ADTRP: variants seen among roughly 807,000 people sequenced by gnomAD.
The protein encoded by ADTRP is androgen-dependent TFPI-regulating protein.
A neutral mutation model predicts 27.0 loss-of-function variants in ADTRP; 20 were observed. That is an observed-to-expected ratio of 0.74 (90% confidence interval 0.52 to 1.08). The LOEUF is 1.08. Among genes scored for constraint, ADTRP ranks in the 50% least tolerant of loss-of-function variants. The probability of loss-of-function intolerance (pLI) is 0.00; values close to 1 mark genes in which losing one functional copy is unlikely to be tolerated. For synonymous variants in ADTRP, 101 were observed against 105.2 expected, an observed-to-expected ratio of 0.96 and a Z score of 0.25; for missense variants, 251 against 275.0, an observed-to-expected ratio of 0.91 and a Z score of 0.62.
At chr6:11,763,569 A>T (rs1014941399) in intron 3 of ADTRP, among the ~76,000 whole-genome samples, 37 of 152,152 alleles carry the variant, frequency 2.4e-4, no homozygotes, top group Admixed American at 7.9e-4. Flanking sequence ...GCCCGTCATT[A>T]CTCTGGCTGC....
intron 3 of ADTRP, among the ~76,000 whole-genome samples, chr6:11,738,081 C>T (rs144658353): frequency 1.3e-5 from 2 of 152,238 alleles, no homozygotes; most frequent in Admixed American, 6.5e-5. Flanking sequence ...GACGTGAGTG[C>T]GTGTAATATG....
At chr6:11,770,202 A>C in intron 1 of ADTRP, 1 of 918,504 alleles carries the variant, frequency 1.1e-6, no homozygotes, top group East Asian at 2.6e-5. Context: ...CGACCACTTC[A>C]CAAACCACCG....
intron 3 of ADTRP, among the ~76,000 whole-genome samples, chr6:11,759,497 T>C (rs75065192): frequency 0.042 from 6,065 of 146,056 alleles, 434 homozygotes; most frequent in African/African-American, 0.14. Context: ...ACTGCAAAAC[T>C]TTTTTTTTTA....
rs1581368240 is a variant in ADTRP at position 11,768,501 on chromosome 6, G to A, written c.154-118C>T. On this transcript the variant is annotated intron_variant, in intron 1 of 5. Coordinates refer to ENST00000414691, the MANE Select transcript of ADTRP (RefSeq NM_032744.4). ...GGCTTTGAGAGGGAGAGGGCTGTTG[G>A]GTTGTTTTGGTTGAGAGCCAATTCA... is the stretch of plus-strand genomic sequence containing the variant. The A allele has an allele frequency of 1.4e-5, 18 of 1,315,400 alleles. No individual in the cohort carries two copies. The East Asian group carries it at 2.1e-4, about 16-fold the overall frequency. The allele number at this position is 1,315,400 out of a possible 1,614,324, so 81.5% of individuals were successfully genotyped here.
At chr6:11,723,307 ACG>A in intron 5 of ADTRP, 40 bp downstream of exon 5, 2 of 1,605,228 alleles carry the variant, frequency 1.2e-6, no homozygotes, top group Non-Finnish European at 8.5e-7. Flanking sequence ...AGAGGCAGAC[ACG>A]GAAGAAGCGC....
chr6:11,719,216 C>T (rs565898044), intron 5 of ADTRP, among the ~76,000 whole-genome samples: 1 of 152,292 alleles, frequency 6.6e-6, no homozygotes, highest in Non-Finnish European at 1.5e-5. Flanking sequence ...CTCAGACCAG[C>T]AGCATCAGTA....
chr6:11,747,770 C>T (rs542470325), intron 3 of ADTRP, among the ~76,000 whole-genome samples: 1 of 152,340 alleles, frequency 6.6e-6, no homozygotes, highest in Non-Finnish European at 1.5e-5. Flanking sequence ...AGGAGGGAAA[C>T]TGACCTATCA....
In ADTRP at chr6:11,741,686, T is replaced by C. The variant is rs116589433; in HGVS notation, c.391-6003A>G. Among the ~76,000 whole-genome samples the C allele has an allele frequency of 8.0e-3, 1,216 of 151,462 alleles. 16 individuals are homozygous for C. The highest frequency in any genetic ancestry group is 0.028 in the African/African-American group (1,145 of 41,112). On this transcript the variant is annotated intron_variant, in intron 3 of 5. Coordinates refer to ENST00000414691, the MANE Select transcript of ADTRP (RefSeq NM_032744.4). ...ATCCAGCCTGGTGAAGAAGCGACAA[T>C]TTGGATTCTATCCAGTTAAGGATAA...
intron 2 of ADTRP, among the ~76,000 whole-genome samples, chr6:11,767,163 G>C (rs1418380873): frequency 1.3e-5 from 2 of 152,146 alleles, no homozygotes; most frequent in Non-Finnish European, 1.5e-5. Flanking sequence ...CTTGAGTTCA[G>C]GAGTTCGAGA....
Position 11,735,584 on chromosome 6 carries a change from T to C in ADTRP, c.490A>G (p.Ile164Val). Residue 164 changes from isoleucine (I) to valine (V), a missense_variant, in exon 4 of 6, where the codon ATT (isoleucine) becomes GTT (valine). Coordinates refer to ENST00000414691, the MANE Select transcript of ADTRP (RefSeq NM_032744.4). ...AATTCTTACCGGCTGATGTAAGCAA[T>C]GCTGGCAGCAGCCAGCAAGGTGAGT... ...TGLTLLAAASIAYISRILWLY... is the reference protein window; with the variant it reads ...TGLTLLAAASVAYISRILWLY... The C allele has an allele frequency of 5.0e-6, 8 of 1,613,496 alleles. No individual in the cohort carries two copies. Among genetic ancestry groups the C allele is most frequent in the Non-Finnish European group, 6.8e-6 (8 of 1,179,490 alleles).
chr6:11,720,631 C>T (rs1761992320), intron 5 of ADTRP, among the ~76,000 whole-genome samples: 1 of 152,086 alleles, frequency 6.6e-6, no homozygotes, highest in Non-Finnish European at 1.5e-5. Context: ...GCCACCACAC[C>T]CGGCTAATTT....
At chr6:11,746,367 C>T (rs1762865910) in intron 3 of ADTRP, among the ~76,000 whole-genome samples, 1 of 152,172 alleles carries the variant, frequency 6.6e-6, no homozygotes, top group Non-Finnish European at 1.5e-5. Flanking sequence ...CCAGTTGAGT[C>T]AGGGTTTCTA....
chr6:11,754,532 G>A (rs1388370154), intron 3 of ADTRP, among the ~76,000 whole-genome samples: 1 of 152,190 alleles, frequency 6.6e-6, no homozygotes, highest in Non-Finnish European at 1.5e-5. Context: ...ACATGGGCAA[G>A]TGTAATTACA....
chr6:11,776,271 C>T (rs1415252144), intron 1 of ADTRP, among the ~76,000 whole-genome samples: 3 of 152,120 alleles, frequency 2.0e-5, no homozygotes, highest in Non-Finnish European at 4.4e-5. Flanking sequence ...CCAGAAGATA[C>T]CAGAAGAGAG....
chr6:11,773,838 C>T (rs1763863269), intron 1 of ADTRP, among the ~76,000 whole-genome samples: 2 of 152,224 alleles, frequency 1.3e-5, no homozygotes, highest in South Asian at 2.1e-4. Context: ...TATACTGCGT[C>T]CAAAGAACCT....
chr6:11,735,637 G>C lies in ADTRP; in HGVS notation c.437C>G (p.Pro146Arg), dbSNP rs377752092. 10 of 1,613,980 alleles carry C rather than the reference G, an allele frequency of 6.2e-6. No homozygotes were observed. The African/African-American group carries it at 9.3e-5, about 15-fold the overall frequency. Residue 146 changes from proline to arginine, a missense_variant, in exon 4 of 6, where the codon CCT (proline) becomes CGT (arginine). Pro to Arg is a moderately radical substitution (Grantham distance 103). Coordinates refer to ENST00000414691, the MANE Select transcript of ADTRP (RefSeq NM_032744.4). The part of the protein sequence containing the change: ...PITLAEVVLR[P>R]HSYPSKKTGL... ...TGTCTTCTTTGATGGATAGGAGTGA[G>C]GCCTGAGGACGACTTCAGCCAATGT...
At chr6:11,758,847 CA>C (rs1197469481) in intron 3 of ADTRP, among the ~76,000 whole-genome samples, 1 of 152,022 alleles carries the variant, frequency 6.6e-6, no homozygotes, top group Non-Finnish European at 1.5e-5. Context: ...ATTCTGGCTG[CA>C]AAAAGGAACA....
rs1249279382 is a variant in ADTRP, at chr6:11,713,544, C to T, written c.*934G>A. 2 of 152,198 alleles carry T rather than the reference C, an allele frequency of 1.3e-5. No individual in the cohort carries two copies. Among genetic ancestry groups the T allele is most frequent in the South Asian group, 2.1e-4 (1 of 4,830 alleles). The allele number at this position is 152,198 out of a possible 1,614,324, so 9.4% of individuals were successfully genotyped here. On this transcript the variant is annotated 3_prime_UTR_variant, in exon 6 of 6. Transcript: ENST00000414691. ...AAAATCACAGCAGGGATCATGAATCCTTGTTAAGCATCTGGAAATCAGCTT... is the reference window on the plus strand; with the variant it reads ...AAAATCACAGCAGGGATCATGAATCTTTGTTAAGCATCTGGAAATCAGCTT...
chr6:11,714,405 A>AG lies in ADTRP; in HGVS notation c.*72dup, dbSNP rs1209577697. ...TGTTCCTCCACCACCTCCCTCCACCAGAAAAAAAAAAAAAAGATGAGAAAA... is the reference window on the plus strand; with the variant it reads ...TGTTCCTCCACCACCTCCCTCCACCAGGAAAAAAAAAAAAAAGATGAGAAAA... On this transcript the variant is annotated 3_prime_UTR_variant, in exon 6 of 6. Transcript: ENST00000414691. 90 of 1,167,628 alleles carry AG rather than the reference A, an allele frequency of 7.7e-5. No individual in the cohort carries two copies. The highest frequency in any genetic ancestry group is 1.0e-4 in the Non-Finnish European group (86 of 844,184). The allele number at this position is 1,167,628 out of a possible 1,614,324, so 72.3% of individuals were successfully genotyped here.
Sources: allele counts gnomAD v4.1 joint callset (sites outside exome capture counted in the v4.1 genomes callset), GRCh38; gene constraint gnomAD v4.1.1; transcripts MANE v1.5; gene names NCBI Gene and HGNC (gene_info 2026-07-23, HGNC 2026-07-21).